The following ARHGAP5 variants were observed in gnomAD, a reference collection of about 807,000 sequenced individuals.
The protein encoded by ARHGAP5 is rho GTPase-activating protein 5.
Under a neutral mutation model 116.6 loss-of-function variants are expected in ARHGAP5, and 23 were observed. The ratio of observed to expected loss-of-function variants is 0.20; its 90% CI spans 0.14 to 0.28. The LOEUF is 0.28. ARHGAP5 is among the 10% of genes least tolerant of loss of function. ARHGAP5 has a pLI of 1.00. For synonymous variants in ARHGAP5, 574 were observed against 602.0 expected (o/e 0.95, Z 0.68); for missense variants, 1,405 against 1,774.8 (o/e 0.79, Z 3.74).
chr14:32,119,583 C>T lies in ARHGAP5; in HGVS notation c.3865+2296C>T, dbSNP rs572216745. Among the ~76,000 whole-genome samples the T allele has an allele frequency of 3.2e-4, 48 of 152,212 alleles. 2 individuals carry two copies. The Middle Eastern group carries it at 0.02, about 65-fold the overall frequency. ...TCAAGATTTAAGTTATTTTCATTCA[C>T]CGCTAAAAGCATCTGGTGTTTTATT... On this transcript the variant is annotated intron_variant, in intron 3 of 6. Transcript: ENST00000345122.
At chr14:32,122,501 GTT>G (rs1879937895) in intron 3 of ARHGAP5, among the ~76,000 whole-genome samples, 1 of 152,118 alleles carries the variant, frequency 6.6e-6, no homozygotes, top group East Asian at 1.9e-4. Context: ...GAAGGATAAA[GTT>G]TTCAATTTTG....
At chr14:32,097,294 G>A (rs1440466063) in intron 2 of ARHGAP5, among the ~76,000 whole-genome samples, 2 of 152,110 alleles carry the variant, frequency 1.3e-5, no homozygotes, top group African/African-American at 4.8e-5. Context: ...TCATATCCAT[G>A]TTGGATTTAT....
chr14:32,152,508 C>T lies in ARHGAP5; in HGVS notation c.4161C>T (p.Tyr1387=), dbSNP rs776001609. The stretch of plus-strand genomic sequence containing the variant: ...CTGTAAACTATGATGTATTCAGATA[C>T]GTGATAACACATCTAAACAGGTATT... ...FHPVNYDVFR[Y]VITHLNRVSQ... Residue 1387 remains tyrosine (Y), a synonymous_variant, in exon 6 of 7, where the codon TAC becomes TAT. Coordinates refer to ENST00000345122, the MANE Select transcript of ARHGAP5 (RefSeq NM_001030055.2). 59 of 1,586,454 alleles carry T rather than the reference C, an allele frequency of 3.7e-5. No individual in the cohort carries two copies. Among genetic ancestry groups the T allele is most frequent in the Non-Finnish European group, 5.1e-5 (59 of 1,166,000 alleles).
intron 1 of ARHGAP5, among the ~76,000 whole-genome samples, chr14:32,081,534 G>A (rs1179457287): frequency 3.1e-5 from 4 of 127,580 alleles, no homozygotes; most frequent in South Asian, 5.0e-4. Flanking sequence ...GGGCGACAGA[G>A]CAAGACTCCT....
rs541663657 is a variant in ARHGAP5, at chr14:32,145,955, G to GT, written c.3866-299dup. Among the ~76,000 whole-genome samples, 482 of 151,230 alleles carry GT rather than the reference G, an allele frequency of 3.2e-3. 2 individuals are homozygous for GT. The highest frequency in any genetic ancestry group is 5.5e-3 in the Admixed American group (83 of 15,176). ...TTGGTTTTTTGTTTGGTTGGTTGGG[G>GT]TTTTTTTTTGGAGACAGGGTCTTGC... On this transcript the variant is annotated intron_variant, in intron 3 of 6. Coordinates refer to ENST00000345122, the MANE Select transcript of ARHGAP5 (RefSeq NM_001030055.2).
chr14:32,146,475 AT>A (rs1186400826), intron 4 of ARHGAP5, 135 bp downstream of exon 4: 9 of 643,658 alleles, frequency 1.4e-5, no homozygotes, highest in Non-Finnish European at 2.4e-5. Context: ...TCAAAGTGAG[AT>A]TAGAAGCACT....
intron 4 of ARHGAP5, 117 bp downstream of exon 4, chr14:32,146,457 A>G: frequency 1.4e-6 from 1 of 712,580 alleles, no homozygotes; most frequent in Non-Finnish European, 2.4e-6. Flanking sequence ...TGTTGAGGAG[A>G]GAGGGTTTCA....
At chr14:32,100,774 A>G (rs1324059751) in intron 2 of ARHGAP5, among the ~76,000 whole-genome samples, 1 of 152,174 alleles carries the variant, frequency 6.6e-6, no homozygotes. Flanking sequence ...GTACTTTTTT[A>G]CTTCTTAAAA....
chr14:32,117,411 T>TC, intron 3 of ARHGAP5, 124 bp downstream of exon 3: 1 of 843,550 alleles, frequency 1.2e-6, no homozygotes, highest in Non-Finnish European at 1.7e-6. Context: ...TAGTATTAAC[T>TC]CCATCTGATC....
chr14:32,088,316 G>A (rs908651755), intron 1 of ARHGAP5, among the ~76,000 whole-genome samples: 44 of 151,796 alleles, frequency 2.9e-4, no homozygotes, highest in African/African-American at 6.8e-4. Flanking sequence ...CACCAGATAA[G>A]TCTTCTTTTG....
chr14:32,121,724 A>G (rs762608898), intron 3 of ARHGAP5, among the ~76,000 whole-genome samples: 10 of 152,210 alleles, frequency 6.6e-5, no homozygotes, highest in South Asian at 2.1e-4. Flanking sequence ...CCAAGAAGAA[A>G]TACTATACTG....
rs2041800458 is a variant in ARHGAP5, at chr14:32,083,647, A to G, written c.-169+6212A>G. Among the ~76,000 whole-genome samples, 3 of 152,014 alleles carry G rather than the reference A, an allele frequency of 2.0e-5. No individual in the cohort carries two copies. In the South Asian group the frequency reaches 6.2e-4, roughly 31 times the overall value. On this transcript the variant is annotated intron_variant, in intron 1 of 6. Coordinates refer to ENST00000345122, the MANE Select transcript of ARHGAP5 (RefSeq NM_001030055.2). ...TTTCAGTCTTTTTTTCCCTTAATCC[A>G]TACTTCCTTTAAAGCTTACACCTCT... is the stretch of plus-strand genomic sequence containing the variant.
At chr14:32,099,051 T>A (rs1348733108) in intron 2 of ARHGAP5, among the ~76,000 whole-genome samples, 4 of 152,100 alleles carry the variant, frequency 2.6e-5, no homozygotes, top group Non-Finnish European at 5.9e-5. Flanking sequence ...GGGAGAGTGT[T>A]GGCGATGGAG....
intron 1 of ARHGAP5, among the ~76,000 whole-genome samples, chr14:32,079,633 C>A (rs1293895598): frequency 2.0e-5 from 3 of 152,030 alleles, no homozygotes; most frequent in Non-Finnish European, 2.9e-5. Context: ...TTCTAACTCA[C>A]TTTTTTTAAT....
chr14:32,121,073 A>G (rs1317004972), intron 3 of ARHGAP5, among the ~76,000 whole-genome samples: 4 of 133,902 alleles, frequency 3.0e-5, no homozygotes, highest in Non-Finnish European at 3.1e-5. Flanking sequence ...GCTGAAGTGC[A>G]GAGGTGTAAC....
chr14:32,109,666 TG>T (rs927782804), intron 2 of ARHGAP5, among the ~76,000 whole-genome samples: 1 of 152,174 alleles, frequency 6.6e-6, no homozygotes, highest in African/African-American at 2.4e-5. Context: ...TTTTTTTAGT[TG>T]ATTTTGTATC....
At chr14:32,133,004 T>G (rs1246286583) in intron 3 of ARHGAP5, among the ~76,000 whole-genome samples, 1 of 152,236 alleles carries the variant, frequency 6.6e-6, no homozygotes, top group Non-Finnish European at 1.5e-5. Flanking sequence ...TAGCATAGTT[T>G]GAAGTCAGGT....
chr14:32,095,209 T>C (rs932075648), intron 2 of ARHGAP5, among the ~76,000 whole-genome samples: 6 of 152,270 alleles, frequency 3.9e-5, no homozygotes, highest in Admixed American at 3.9e-4. Context: ...ATTTATTTTC[T>C]ACAGCTGACT....
intron 3 of ARHGAP5, among the ~76,000 whole-genome samples, chr14:32,121,649 T>C (rs1879894760): frequency 6.6e-6 from 1 of 152,194 alleles, no homozygotes; most frequent in Non-Finnish European, 1.5e-5. Context: ...CCATTTAAAG[T>C]GTACAGTTTA....
Sources: gnomAD v4.1 joint callset for allele counts (sites outside exome capture counted in the v4.1 genomes callset) on GRCh38, gnomAD v4.1.1 for gene constraint, MANE v1.5 for transcripts, NCBI Gene and HGNC (gene_info 2026-07-23, HGNC 2026-07-21) for gene names.